PNPLA1: variants seen among roughly 807,000 people sequenced by gnomAD.
PNPLA1 encodes the protein patatin like domain 1, omega-hydroxyceramide transacylase, also known as omega-hydroxyceramide transacylase.
PNPLA1 carries 36 observed loss-of-function variants against 51.7 expected under a neutral mutation model. The ratio of observed to expected loss-of-function variants is 0.70; its 90% CI spans 0.53 to 0.92. The LOEUF (loss-of-function observed/expected upper bound fraction) is 0.92. Ranked by LOEUF, PNPLA1 falls within the 40% of genes least tolerant of loss-of-function variation. PNPLA1 has a pLI of 0.00. For synonymous variants in PNPLA1, 293 were observed against 280.1 expected (o/e 1.05, Z -0.46); for missense variants, 658 against 682.5 (o/e 0.96, Z 0.40).
upstream of PNPLA1, among the ~76,000 whole-genome samples, chr6:36,265,202 GT>G (rs1344144908): frequency 6.6e-6 from 1 of 152,142 alleles, no homozygotes; most frequent in Non-Finnish European, 1.5e-5. Context: ...TTAGCTGGGC[GT>G]TTTGGCACAT....
At position 36,244,408 on chromosome 6, in the gene PNPLA1, G is replaced by GT. The variant is rs200494555; in HGVS notation, c.-81+1158dup. 7.7e-3 allele frequency among the ~76,000 whole-genome samples: 1,118 copies of GT among 144,722 alleles called. 11 individuals are homozygous for GT. Among genetic ancestry groups the GT allele is most frequent in the African/African-American group, 0.023 (904 of 39,656 alleles). The allele number at this position is 144,722 out of a possible 152,430, so 94.9% of individuals were successfully genotyped here. ...TGTACTGTTTGGCACTGAGGGTTTT[G>GT]TTTTTTTTTTTAACTTAGTATTTCT... On this transcript the variant is annotated intron_variant, in intron 1 of 7. Transcript: ENST00000312917.
chr6:36,277,832 C>T (rs1770154056), intron 1 of PNPLA1, among the ~76,000 whole-genome samples: 1 of 152,118 alleles, frequency 6.6e-6, no homozygotes, highest in Non-Finnish European at 1.5e-5. Context: ...CCATTGCACT[C>T]CAGCCTGGGT....
At chr6:36,289,087 G>A (rs1197336815) in intron 1 of PNPLA1, among the ~76,000 whole-genome samples, 2 of 152,210 alleles carry the variant, frequency 1.3e-5, no homozygotes, top group Non-Finnish European at 2.9e-5. Context: ...CCAAATGTTA[G>A]TCTCTAGGAG....
At chr6:36,260,576 C>T (rs1186000419) in intron 1 of PNPLA1, among the ~76,000 whole-genome samples, 3 of 152,126 alleles carry the variant, frequency 2.0e-5, no homozygotes, top group Non-Finnish European at 2.9e-5. Flanking sequence ...CCCCAGAGGC[C>T]ACCGATGTTT....
chr6:36,295,315 C>T, intron 4 of PNPLA1, 49 bp from the exon 5 acceptor site: 1 of 1,601,916 alleles, frequency 6.2e-7, no homozygotes. Context: ...AACTGTGGCT[C>T]CCTTCCTCCC....
At chr6:36,248,555 T>C (rs1769353290) in intron 1 of PNPLA1, among the ~76,000 whole-genome samples, 2 of 151,230 alleles carry the variant, frequency 1.3e-5, no homozygotes, top group South Asian at 2.1e-4. Context: ...GGAGTCTTGC[T>C]CTGTCGCCCA....
chr6:36,275,476 T>A (rs966967201), intron 1 of PNPLA1, among the ~76,000 whole-genome samples: 1 of 152,248 alleles, frequency 6.6e-6, no homozygotes, highest in Non-Finnish European at 1.5e-5. Context: ...TTAGATTAAT[T>A]CCTCAGGAAT....
At chr6:36,252,730 G>A in intron 1 of PNPLA1, among the ~76,000 whole-genome samples, 1 of 152,192 alleles carries the variant, frequency 6.6e-6, no homozygotes, top group Middle Eastern at 3.2e-3. Context: ...GCATGGCTGA[G>A]CTTCAGATCT....
intron 1 of PNPLA1, among the ~76,000 whole-genome samples, chr6:36,250,189 G>A (rs1397394043): frequency 1.3e-5 from 2 of 152,074 alleles, no homozygotes; most frequent in South Asian, 2.1e-4. Context: ...TGTGAGATGC[G>A]AGCTACTGGG....
At chr6:36,308,667 A>T (rs1295214637) in intron 8 of PNPLA1, 1 of 152,230 alleles carries the variant, frequency 6.6e-6, no homozygotes, top group Non-Finnish European at 1.5e-5. Context: ...TAAGAATCTG[A>T]TGAACTTTGA....
intron 5 of PNPLA1, among the ~76,000 whole-genome samples, chr6:36,299,926 C>T (rs948674252): frequency 2.6e-5 from 4 of 152,200 alleles, no homozygotes; most frequent in East Asian, 1.9e-4. Flanking sequence ...ATCTGTTAGA[C>T]GTTACAGAAT....
intron 1 of PNPLA1, among the ~76,000 whole-genome samples, chr6:36,287,310 C>T (rs1227442466): frequency 1.3e-5 from 2 of 151,994 alleles, no homozygotes; most frequent in African/African-American, 2.4e-5. Context: ...CAGTGACAGG[C>T]TATTGTGAGA....
chr6:36,261,465 G>A (rs1487392009), intron 1 of PNPLA1, among the ~76,000 whole-genome samples: 1 of 152,236 alleles, frequency 6.6e-6, no homozygotes, highest in African/African-American at 2.4e-5. Flanking sequence ...GAGGAGGAAA[G>A]TGTTGATGGG....
intron 1 of PNPLA1, among the ~76,000 whole-genome samples, chr6:36,252,607 T>C (rs1170209473): frequency 6.6e-6 from 1 of 150,476 alleles, no homozygotes; most frequent in Non-Finnish European, 1.5e-5. Flanking sequence ...AGGTACTTAA[T>C]GAAGACACCC....
At chr6:36,298,692 C>T (rs1371593907) in intron 5 of PNPLA1, among the ~76,000 whole-genome samples, 1 of 152,214 alleles carries the variant, frequency 6.6e-6, no homozygotes, top group East Asian at 1.9e-4. Flanking sequence ...TTTAACTTAA[C>T]ATAATGGCCT....
upstream of PNPLA1, among the ~76,000 whole-genome samples, chr6:36,267,207 T>G (rs1337487391): frequency 6.6e-6 from 1 of 152,222 alleles, no homozygotes; most frequent in Non-Finnish European, 1.5e-5. Flanking sequence ...AAAGTGATTC[T>G]TCCTCGATGT....
chr6:36,301,570 G>A (rs1006549094), intron 5 of PNPLA1, among the ~76,000 whole-genome samples: 3 of 152,056 alleles, frequency 2.0e-5, no homozygotes, highest in Admixed American at 1.3e-4. Flanking sequence ...TCTACTCACT[G>A]CCAATCCCTC....
Position 36,291,263 on chromosome 6 carries a change from T to G in PNPLA1, c.206-57T>G. ...TTGGAGAAACCACCCTAGACCTCCC[T>G]TGGCCCCTGGCCACTGGGTGGCACC... On this transcript the variant is annotated intron_variant, in intron 1 of 8. Transcript: ENST00000636260. 2.8e-6 allele frequency: 4 copies of G among 1,432,470 alleles called. No homozygotes were observed. In the South Asian group the frequency reaches 3.7e-5, roughly 13 times the overall value. The allele number at this position is 1,432,470 out of a possible 1,614,324, so 88.7% of individuals were successfully genotyped here.
rs1432947347 is a variant in PNPLA1, at chr6:36,291,379, C to A, written c.265C>A (p.Pro89Thr). ...VAEVKKSFLGPLSPSCKMVQM... is the reference protein window; with the variant it reads ...VAEVKKSFLGTLSPSCKMVQM... ...CGAGGTGAAGAAATCCTTCCTGGGG[C>A]CCTTGTCCCCGTCCTGTAAGATGGT... The change falls in exon 2 of 9, where the codon CCC becomes ACC. Residue 89 changes from proline to threonine, a missense_variant. Coordinates refer to ENST00000636260, the MANE Select transcript of PNPLA1 (RefSeq NM_001374623.1). 6.2e-6 allele frequency: 10 copies of A among 1,614,074 alleles called. No individual in the cohort carries two copies. Among genetic ancestry groups the A allele is most frequent in the African/African-American group, 2.7e-5 (2 of 74,920 alleles).
Sources: allele counts gnomAD v4.1 joint callset (sites outside exome capture counted in the v4.1 genomes callset), GRCh38; gene constraint gnomAD v4.1.1; transcripts MANE v1.5; gene names NCBI Gene and HGNC (gene_info 2026-07-23, HGNC 2026-07-21).